Variants in MACROD2 observed in about 807,000 individuals in gnomAD.
MACROD2 encodes the protein mono-ADP ribosylhydrolase 2.
Under a neutral mutation model 70.4 loss-of-function variants are expected in MACROD2, and 36 were observed. The ratio of observed to expected loss-of-function variants is 0.51; its 90% CI spans 0.39 to 0.68. The LOEUF is 0.68. Among genes scored for constraint, MACROD2 ranks in the 30% least tolerant of loss-of-function variants. The pLI is 0.00. For missense variants in MACROD2, 496 were observed against 538.4 expected (o/e 0.92, Z 0.78); for synonymous variants, 172 against 178.8 (o/e 0.96, Z 0.30).
chr20:15,798,613 G>A (rs2063696580), intron 8 of MACROD2, among the ~76,000 whole-genome samples: 1 of 152,180 alleles, frequency 6.6e-6, no homozygotes, highest in Non-Finnish European at 1.5e-5. Context: ...AAATGACATG[G>A]TCACATTATA....
chr20:14,261,707 T>G (rs1450077731), intron 3 of MACROD2, among the ~76,000 whole-genome samples: 1 of 147,484 alleles, frequency 6.8e-6, no homozygotes, highest in East Asian at 1.9e-4. Context: ...TTATTTAATT[T>G]ATTGAATGTC....
At chr20:15,387,746 T>C (rs80279754) in intron 6 of MACROD2, among the ~76,000 whole-genome samples, 3 of 123,480 alleles carry the variant, frequency 2.4e-5, no homozygotes, top group Non-Finnish European at 5.2e-5. Context: ...GGATTTTTTT[T>C]TTTTTTTTTT....
chr20:14,578,219 A>C (rs1428649639), intron 4 of MACROD2, among the ~76,000 whole-genome samples: 1 of 151,560 alleles, frequency 6.6e-6, no homozygotes. Context: ...AATTGAGAAA[A>C]AATTTAGTTC....
intron 5 of MACROD2, among the ~76,000 whole-genome samples, chr20:14,992,390 G>A (rs2074912706): frequency 6.6e-6 from 1 of 152,154 alleles, no homozygotes; most frequent in Admixed American, 6.5e-5. Context: ...TCAATTAGAA[G>A]TAAGCAGACT....
chr20:14,448,692 G>C (rs935060622), intron 3 of MACROD2, among the ~76,000 whole-genome samples: 8 of 151,764 alleles, frequency 5.3e-5, no homozygotes, highest in South Asian at 4.2e-4. Context: ...AAGAAAGAAA[G>C]AAAGAAAGGC....
At chr20:15,273,458 C>A (rs2077363695) in intron 6 of MACROD2, among the ~76,000 whole-genome samples, 1 of 151,834 alleles carries the variant, frequency 6.6e-6, no homozygotes, top group Admixed American at 6.6e-5. Context: ...CATATATGTT[C>A]TGTCCCTCTA....
chr20:14,975,434 C>T (rs1034036204), intron 5 of MACROD2, among the ~76,000 whole-genome samples: 1 of 152,066 alleles, frequency 6.6e-6, no homozygotes, highest in Non-Finnish European at 1.5e-5. Flanking sequence ...GGTGGGAAAG[C>T]AGGGCAGCCA....
chr20:15,328,312 G>A (rs529390312), intron 6 of MACROD2, among the ~76,000 whole-genome samples: 2 of 152,016 alleles, frequency 1.3e-5, no homozygotes, highest in Non-Finnish European at 2.9e-5. Context: ...GAGGGGATGA[G>A]TGCCGAGGTG....
At chr20:15,256,688 A>G (rs2077202535) in intron 6 of MACROD2, among the ~76,000 whole-genome samples, 1 of 152,084 alleles carries the variant, frequency 6.6e-6, no homozygotes, top group Non-Finnish European at 1.5e-5. Flanking sequence ...ATGTGTGGTA[A>G]GAGGATACAA....
intron 3 of MACROD2, among the ~76,000 whole-genome samples, chr20:14,228,160 T>C (rs1357005983): frequency 2.1e-5 from 1 of 48,448 alleles, no homozygotes; most frequent in Non-Finnish European, 3.6e-5. Flanking sequence ...TAGTTTTTTC[T>C]ATGTATATAT....
intron 4 of MACROD2, among the ~76,000 whole-genome samples, chr20:14,507,093 G>A (rs1041864284): frequency 1.3e-5 from 2 of 152,150 alleles, no homozygotes; most frequent in Admixed American, 1.3e-4. Context: ...AAGTAGAATG[G>A]TGATTACTGT....
intron 5 of MACROD2, among the ~76,000 whole-genome samples, chr20:14,948,663 G>T (rs895219547): frequency 3.9e-5 from 6 of 152,128 alleles, no homozygotes; most frequent in African/African-American, 1.4e-4. Flanking sequence ...GCCTCCCTGG[G>T]CCAAGAGCAG....
At chr20:14,212,789 G>C (rs1243689764) in intron 3 of MACROD2, among the ~76,000 whole-genome samples, 1 of 151,364 alleles carries the variant, frequency 6.6e-6, no homozygotes, top group African/African-American at 2.4e-5. Context: ...TCAGCTCATA[G>C]TAAGAGCTTG....
At chr20:14,579,127 C>CTTTTTT (rs71190141) in intron 4 of MACROD2, among the ~76,000 whole-genome samples, 108 of 74,360 alleles carry the variant, frequency 1.5e-3, no homozygotes, top group Non-Finnish European at 1.7e-3. Context: ...GTATCCAATT[C>CTTTTTT]TTTTTTTTTT....
At chr20:15,012,406 G>A (rs995855017) in intron 5 of MACROD2, among the ~76,000 whole-genome samples, 24 of 152,112 alleles carry the variant, frequency 1.6e-4, no homozygotes, top group South Asian at 8.3e-4. Context: ...TAAACAGCTC[G>A]TTCAAGCAAA....
chr20:15,074,699 C>A (rs949174663), intron 5 of MACROD2, among the ~76,000 whole-genome samples: 2 of 152,134 alleles, frequency 1.3e-5, no homozygotes, highest in Non-Finnish European at 2.9e-5. Context: ...GAATTGATTG[C>A]TTGCTTGGTG....
intron 5 of MACROD2, among the ~76,000 whole-genome samples, chr20:14,863,864 T>C (rs932343073): frequency 5.9e-5 from 9 of 152,214 alleles, no homozygotes; most frequent in African/African-American, 2.2e-4. Flanking sequence ...CAGACCTTGG[T>C]TAACCCACTT....
intron 6 of MACROD2, among the ~76,000 whole-genome samples, chr20:15,248,122 G>C (rs1477611459): frequency 6.6e-6 from 1 of 152,218 alleles, no homozygotes; most frequent in Non-Finnish European, 1.5e-5. Flanking sequence ...AAATGTGGAA[G>C]GATGGAAGCT....
intron 5 of MACROD2, among the ~76,000 whole-genome samples, chr20:15,003,951 AC>A (rs2075015822): frequency 6.6e-6 from 1 of 151,918 alleles, no homozygotes; most frequent in South Asian, 2.1e-4. Context: ...TGCCAATCTG[AC>A]CCCTGTGGCC....
Sources: allele counts gnomAD v4.1 joint callset (sites outside exome capture counted in the v4.1 genomes callset), GRCh38; gene constraint gnomAD v4.1.1; transcripts MANE v1.5; gene names NCBI Gene and HGNC (gene_info 2026-07-23, HGNC 2026-07-21).